The following PHACTR3 variants were observed in gnomAD, a reference collection of about 807,000 sequenced individuals.
PHACTR3 encodes the protein phosphatase and actin regulator 3, also known as protein phosphatase 1, regulatory subunit 123.
Under a neutral mutation model 66.8 loss-of-function variants are expected in PHACTR3, and 16 were observed. The ratio of observed to expected loss-of-function variants is 0.24; its 90% confidence interval spans 0.16 to 0.36. The LOEUF (loss-of-function observed/expected upper bound fraction) is 0.36. PHACTR3 is among the 10% of genes least tolerant of loss of function. The pLI is 1.00. For synonymous variants in PHACTR3, 323 were observed against 292.1 expected (o/e 1.11, Z -1.08); for missense variants, 647 against 719.9 (o/e 0.90, Z 1.16).
intron 1 of PHACTR3, among the ~76,000 whole-genome samples, chr20:59,728,563 C>G (rs1476868070): frequency 6.6e-6 from 1 of 150,840 alleles, no homozygotes; most frequent in African/African-American, 2.4e-5. Context: ...GGACTATTAC[C>G]TTTTGTTATT....
chr20:59,839,730 G>GGACTT (rs1417824710), intron 9 of PHACTR3, among the ~76,000 whole-genome samples: 3 of 152,134 alleles, frequency 2.0e-5, no homozygotes, highest in Non-Finnish European at 4.4e-5. Context: ...TTTTGCTGAG[G>GGACTT]GACTTGGGCT....
chr20:59,839,738 G>A (rs923571740), intron 9 of PHACTR3, among the ~76,000 whole-genome samples: 1 of 152,134 alleles, frequency 6.6e-6, no homozygotes, highest in Admixed American at 6.6e-5. Flanking sequence ...AGGGACTTGG[G>A]CTCCTTTAAA....
chr20:59,699,909 C>T (rs895687984), intron 1 of PHACTR3, among the ~76,000 whole-genome samples: 3 of 152,166 alleles, frequency 2.0e-5, no homozygotes, highest in African/African-American at 7.2e-5. Context: ...TTGCAGTGAG[C>T]CAAGATCGCG....
At chr20:59,807,594 C>T (rs2104590) in intron 8 of PHACTR3, among the ~76,000 whole-genome samples, 22,975 of 152,166 alleles carry the variant, frequency 0.15, 3,116 homozygotes, top group East Asian at 0.4. Flanking sequence ...ATCATGATCA[C>T]GTGTGATGTA....
At chr20:59,700,627 A>G (rs961311703) in intron 1 of PHACTR3, among the ~76,000 whole-genome samples, 1 of 152,166 alleles carries the variant, frequency 6.6e-6, no homozygotes, top group African/African-American at 2.4e-5. Flanking sequence ...TACACTTGAA[A>G]TGGTATGATA....
Position 59,747,844 on chromosome 20 carries a change from G to T in PHACTR3, c.358+9G>T. The stretch of plus-strand genomic sequence containing the variant: ...GGAGATGATGGAGCAGGGTAAGTGG[G>T]ACCCGTCCCTGGCTTGGAAGGGCAC... On this transcript the variant is annotated intron_variant, in intron 3 of 12. Transcript: ENST00000371015. 1 of 1,613,250 alleles carries T rather than the reference G, an allele frequency of 6.2e-7. No homozygotes were observed. Among genetic ancestry groups the T allele is most frequent in the Non-Finnish European group, 8.5e-7 (1 of 1,179,506 alleles).
intron 1 of PHACTR3, among the ~76,000 whole-genome samples, chr20:59,732,981 G>T (rs1230565686): frequency 6.6e-6 from 1 of 151,916 alleles, no homozygotes; most frequent in Non-Finnish European, 1.5e-5. Context: ...GAATGAACTT[G>T]CAGGGCTGTA....
chr20:59,616,883 C>G (rs1425021591), intron 1 of PHACTR3, among the ~76,000 whole-genome samples: 1 of 152,030 alleles, frequency 6.6e-6, no homozygotes, highest in African/African-American at 2.4e-5. Flanking sequence ...TTTTGGAGCA[C>G]ATTTAATACC....
intron 1 of PHACTR3, among the ~76,000 whole-genome samples, chr20:59,689,230 C>G (rs1159335438): frequency 6.6e-6 from 1 of 152,224 alleles, no homozygotes; most frequent in Non-Finnish European, 1.5e-5. Context: ...ACTGTCCTTT[C>G]AGCCCTTGGT....
chr20:59,714,515 G>T (rs1461622949), intron 1 of PHACTR3, among the ~76,000 whole-genome samples: 1 of 152,130 alleles, frequency 6.6e-6, no homozygotes, highest in African/African-American at 2.4e-5. Context: ...GTCTATTTCT[G>T]GGCTCCATGT....
intron 1 of PHACTR3, among the ~76,000 whole-genome samples, chr20:59,740,042 G>C (rs2039094115): frequency 6.6e-6 from 1 of 152,100 alleles, no homozygotes; most frequent in Non-Finnish European, 1.5e-5. Context: ...TATTGTGAAG[G>C]TAAAATAGGA....
chr20:59,816,298 C>T (rs1214444002), intron 8 of PHACTR3, among the ~76,000 whole-genome samples: 4 of 152,170 alleles, frequency 2.6e-5, no homozygotes, highest in African/African-American at 7.2e-5. Flanking sequence ...CACTACTCAC[C>T]TCCTGCTGTG....
intron 1 of PHACTR3, among the ~76,000 whole-genome samples, chr20:59,701,848 A>AC (rs1438952306): frequency 6.6e-6 from 1 of 151,932 alleles, no homozygotes; most frequent in Non-Finnish European, 1.5e-5. Context: ...AGTTTCACCG[A>AC]CCCCCCAATC....
At chr20:59,728,632 G>T (rs1052133390) in intron 1 of PHACTR3, among the ~76,000 whole-genome samples, 10 of 152,060 alleles carry the variant, frequency 6.6e-5, no homozygotes, top group Non-Finnish European at 1.2e-4. Flanking sequence ...GACCTCAGCT[G>T]TCATCTCTTT....
chr20:59,759,223 G>A (rs1328045963), intron 4 of PHACTR3, among the ~76,000 whole-genome samples: 1 of 152,096 alleles, frequency 6.6e-6, no homozygotes, highest in Admixed American at 6.5e-5. Context: ...CCTGCGCCAG[G>A]GACCCTGCGC....
intron 8 of PHACTR3, among the ~76,000 whole-genome samples, chr20:59,828,325 G>A (rs2042252102): frequency 6.6e-6 from 1 of 152,180 alleles, no homozygotes; most frequent in Admixed American, 6.5e-5. Flanking sequence ...GCAGCTGTGG[G>A]TCTGTCTGCA....
chr20:59,751,165 C>G (rs930319322), intron 3 of PHACTR3, among the ~76,000 whole-genome samples: 1 of 152,158 alleles, frequency 6.6e-6, no homozygotes, highest in African/African-American at 2.4e-5. Context: ...GGGTGAGGAG[C>G]AGAGGCGCTT....
intron 1 of PHACTR3, among the ~76,000 whole-genome samples, chr20:59,723,064 T>TTCTG (rs1467191786): frequency 2.2e-5 from 1 of 44,642 alleles, no homozygotes; most frequent in African/African-American, 9.8e-5. Context: ...TTCTTTCTCT[T>TTCTG]TCTTTCTTTC....
chr20:59,791,949 T>A (rs2041117019), intron 7 of PHACTR3, among the ~76,000 whole-genome samples: 1 of 152,180 alleles, frequency 6.6e-6, no homozygotes, highest in Non-Finnish European at 1.5e-5. Flanking sequence ...CATTAATATA[T>A]GTTAAGCTTT....
Sources: allele counts gnomAD v4.1 joint callset (sites outside exome capture counted in the v4.1 genomes callset), GRCh38; gene constraint gnomAD v4.1.1; transcripts MANE v1.5; gene names NCBI Gene and HGNC (gene_info 2026-07-23, HGNC 2026-07-21).